Variants in SACS observed in about 807,000 individuals in gnomAD.
SACS encodes sacsin molecular chaperone, also known as sacsin.
A neutral mutation model predicts 348.0 loss-of-function variants in SACS; 197 were observed. That is an observed-to-expected ratio of 0.57 (90% CI 0.50 to 0.64). The LOEUF (loss-of-function observed/expected upper bound fraction) is 0.64. Among genes scored for constraint, SACS ranks in the 30% least tolerant of loss-of-function variants. The probability of loss-of-function intolerance (pLI) is 0.00; values close to 1 mark genes in which losing one functional copy is unlikely to be tolerated. For missense variants in SACS, 4,999 were observed against 5,360.8 expected (o/e 0.93, Z 2.11); for synonymous variants, 1,985 against 1,910.6 (o/e 1.04, Z -1.02).
Position 23,355,254 on chromosome 13 carries a change from C to T in SACS, c.1358G>A (p.Gly453Asp), listed in dbSNP as rs1193022221. 6 of 1,614,044 alleles carry T rather than the reference C, an allele frequency of 3.7e-6. No individual in the cohort carries two copies. In the Admixed American group the frequency reaches 5.0e-5, roughly 13 times the overall value. ...KAFCFLPLPP[G>D]EESSTGLPVH... Reference sequence around the variant, plus strand: ...TGGGAGGCCTGTGCTGCTTTCCTCACCAGGTGGTAAAGGAAGGAAACAAAA... The same window carrying T: ...TGGGAGGCCTGTGCTGCTTTCCTCATCAGGTGGTAAAGGAAGGAAACAAAA... The change falls in exon 8 of 10, where the codon GGT becomes GAT. Residue 453 changes from glycine to aspartate, a missense_variant. By Grantham distance (94) the Gly-to-Asp change is moderately conservative. Coordinates refer to ENST00000382292, the MANE Select transcript of SACS (RefSeq NM_014363.6).
chr13:23,396,517 A>T (rs553930696), intron 2 of SACS, among the ~76,000 whole-genome samples: 1 of 152,152 alleles, frequency 6.6e-6, no homozygotes, highest in Non-Finnish European at 1.5e-5. Flanking sequence ...ATTTACGGTC[A>T]ATTAAGGTAA....
rs770866403 is a variant in SACS at position 23,340,547 on chromosome 13, AT to A, written c.3328del (p.Ile1110LeufsTer16). The A allele has an allele frequency of 1.5e-5, 24 of 1,611,472 alleles. No individual in the cohort carries two copies. Among genetic ancestry groups the A allele is most frequent in the Admixed American group, 8.4e-5 (5 of 59,570 alleles). On this transcript the variant is annotated frameshift_variant, in exon 10 of 10. Transcript: ENST00000382292. LOFTEE classifies it high-confidence loss of function. The stretch of plus-strand genomic sequence containing the variant: ...ACAAGCACCGACCTGTAAGGCTTCA[AT>A]TTTTTTTGCCACTTGCACAACATCC... Reference protein sequence around the residue: ...EKDVVQVAKKIEALQVGACPD... With the variant: ...EKDVVQVAKKXEALQVGACPD...
At chr13:23,387,336 A>C (rs1156746699) in intron 2 of SACS, among the ~76,000 whole-genome samples, 3 of 151,944 alleles carry the variant, frequency 2.0e-5, no homozygotes, top group East Asian at 3.9e-4. Context: ...GCGGCGGGCA[A>C]CTGTAGTCCC....
chr13:23,426,565 G>A (rs552399909), intron 1 of SACS, among the ~76,000 whole-genome samples: 4 of 151,648 alleles, frequency 2.6e-5, no homozygotes, highest in South Asian at 2.1e-4. Flanking sequence ...GCTTGAACTC[G>A]GGAGGTGGAG....
chr13:23,340,177 A>G lies in SACS; in HGVS notation c.3699T>C (p.Asp1233=), dbSNP rs538158573. 1.2e-6 allele frequency: 2 copies of G among 1,613,060 alleles called. No individual in the cohort carries two copies. The highest frequency in any genetic ancestry group is 2.2e-5 in the East Asian group (1 of 44,878). The change falls in exon 10 of 10, where the codon GAT becomes GAC. Residue 1233 remains aspartate (D), a synonymous_variant. Coordinates refer to ENST00000382292, the MANE Select transcript of SACS (RefSeq NM_014363.6). ...AVLKHFKIVV[D]WYSSKTFSDE... ...CACTAAAGGTTTTTGAAGAATACCA[A>G]TCAACAACAATTTTAAAGTGTTTTA...
chr13:23,352,675 A>G (rs1215531444), intron 9 of SACS, among the ~76,000 whole-genome samples: 1 of 152,212 alleles, frequency 6.6e-6, no homozygotes, highest in Non-Finnish European at 1.5e-5. Context: ...GTTAGAGCAA[A>G]GATTGGCAGG....
chr13:23,416,356 A>T (rs1873692103), intron 1 of SACS, among the ~76,000 whole-genome samples: 1 of 152,200 alleles, frequency 6.6e-6, no homozygotes, highest in Admixed American at 6.5e-5. Flanking sequence ...AGCAGAATTA[A>T]TGAAAGAGAA....
chr13:23,424,970 T>C (rs1325645432), intron 1 of SACS, among the ~76,000 whole-genome samples: 1 of 152,262 alleles, frequency 6.6e-6, no homozygotes, highest in Non-Finnish European at 1.5e-5. Flanking sequence ...AGCTTTGGGA[T>C]GTGCTTTATT....
chr13:23,390,041 T>A (rs186765978), intron 2 of SACS, among the ~76,000 whole-genome samples: 6 of 152,292 alleles, frequency 3.9e-5, no homozygotes, highest in Admixed American at 6.5e-5. Context: ...TTTTTTCTAT[T>A]CACTCTACAA....
chr13:23,429,000 T>G (rs909969477), intron 1 of SACS: 1 of 152,168 alleles, frequency 6.6e-6, no homozygotes, highest in Non-Finnish European at 1.5e-5. Flanking sequence ...GGCACCGAAA[T>G]AGAATCTCCC....
rs202199411 is a variant in SACS at position 23,334,368 on chromosome 13, G to A, written c.9508C>T (p.Arg3170Ter). The A allele has an allele frequency of 7.4e-6, 12 of 1,612,636 alleles. No individual in the cohort carries two copies. The highest frequency in any genetic ancestry group is 1.0e-5 in the Non-Finnish European group (12 of 1,179,338). The change falls in exon 10 of 10, where the codon CGA becomes TGA. Residue 3170 changes from arginine (R) to a stop codon, truncating the protein, a stop_gained. Coordinates refer to ENST00000382292, the MANE Select transcript of SACS (RefSeq NM_014363.6). LOFTEE classifies it high-confidence loss of function. ...TGATATGTTGTTAGAAACTTGGGTC[G>A]TTTTGCATCAAAAGTTTGCAAAACA... Reference protein sequence around the residue: ...DSVLQTFDAKRPKFLTTYHEL... With the variant: ...DSVLQTFDAK
At position 23,330,974 on chromosome 13, in the gene SACS, T is replaced by C. The variant is rs748415049; in HGVS notation, c.12902A>G (p.Asn4301Ser). The change falls in exon 10 of 10, where the codon AAT (asparagine) becomes AGT (serine). Residue 4301 changes from asparagine to serine, a missense_variant. Asn to Ser is a conservative substitution (Grantham distance 46). Around this residue, in one of 6 missense-constraint regions of SACS, gnomAD observed 831 missense variants for 941.8 expected, o/e 0.88. Transcript: ENST00000382292. ...TTCTTTTAAGATTTCTGGTAAAGAA[T>C]TAACCTTAAGCTTTTTGGGGGACTG... ...KHQSPKKLKV[N>S]SLPEILKEVT... is the part of the protein sequence containing the mutation. 66 of 1,614,042 alleles carry C rather than the reference T, an allele frequency of 4.1e-5. No individual in the cohort carries two copies. The highest frequency in any genetic ancestry group is 4.8e-5 in the Non-Finnish European group (57 of 1,180,014).
chr13:23,411,313 C>A lies in SACS; in HGVS notation c.-74G>T. ...TCTTTCTTCTGTTTAAGTCTTCCCT[C>A]TGTGCTTCCTTTAAATGTGTACTCC... On this transcript the variant is annotated 5_prime_UTR_variant, in exon 2 of 10. Coordinates refer to ENST00000382292, the MANE Select transcript of SACS (RefSeq NM_014363.6). 7.2e-7 allele frequency: 1 copy of A among 1,389,432 alleles called. No homozygotes were observed. The highest frequency in any genetic ancestry group is 1.0e-6 in the Non-Finnish European group (1 of 976,136). The allele number at this position is 1,389,432 out of a possible 1,614,324, so 86.1% of individuals were successfully genotyped here.
rs1374407512 is a variant in SACS at position 23,331,834 on chromosome 13, T to C, written c.12042A>G (p.Gly4014=). 1.2e-6 allele frequency: 2 copies of C among 1,614,044 alleles called. No homozygotes were observed. The highest frequency in any genetic ancestry group is 1.7e-6 in the Non-Finnish European group (2 of 1,179,952). The stretch of plus-strand genomic sequence containing the variant: ...TTTCATGCTTCATAATTCTAATCAG[T>C]CCTGTAATGAACTGTTCAGAAGACA... The part of the protein sequence containing the change: ...LLLSSEQFIT[G]LIRIMKHEND... Residue 4014 remains glycine (G), a synonymous_variant, in exon 10 of 10, where the codon GGA becomes GGG. Coordinates refer to ENST00000382292, the MANE Select transcript of SACS (RefSeq NM_014363.6).
rs192610957 is a variant in SACS, at chr13:23,334,904, C to A, written c.8972G>T (p.Arg2991Leu). 3 of 1,613,652 alleles carry A rather than the reference C, an allele frequency of 1.9e-6. No individual in the cohort carries two copies. The African/African-American group carries it at 4.0e-5, about 22-fold the overall frequency. The change falls in exon 10 of 10, where the codon CGT becomes CTT. Residue 2991 changes from arginine (R) to leucine (L), a missense_variant. Arg to Leu is a moderately radical substitution (Grantham distance 102). Coordinates refer to ENST00000382292, the MANE Select transcript of SACS (RefSeq NM_014363.6). The stretch of plus-strand genomic sequence containing the variant: ...TGGAGCCCGCACAACAGGTAAAAGA[C>A]GTTTCATGTCTTCGTGAATGCAATT... ...LYNCIHEDMK[R>L]LLPVVRAPNI...
rs1340511510 is a variant in SACS, at chr13:23,329,715, AAG to A, written c.*419_*420del. On this transcript the variant is annotated 3_prime_UTR_variant, in exon 10 of 10. Transcript: ENST00000382292. ...CCACTTAAAAAAATGACAGACTACA[AAG>A]ACTTAATTCCCCTTATGTTTAAACC... is the stretch of plus-strand genomic sequence containing the variant. The A allele has an allele frequency of 5.9e-6, 3 of 510,832 alleles. No homozygotes were observed. The highest frequency in any genetic ancestry group is 1.0e-5 in the Non-Finnish European group (3 of 293,346). 31.6% of individuals were successfully genotyped at this position (510,832 alleles called of 1,614,324 possible). A position where few individuals can be genotyped will look rare whatever the true frequency, so the allele number is the denominator to read the frequency against.
At position 23,388,467 on chromosome 13, in the gene SACS, T is replaced by C. The variant is rs1872393651; in HGVS notation, c.21-13198A>G. Among the ~76,000 whole-genome samples the C allele has an allele frequency of 2.2e-5, 3 of 134,266 alleles. No homozygotes were observed. The South Asian group carries it at 7.1e-4, about 32-fold the overall frequency. The allele number at this position is 134,266 out of a possible 152,430, so 88.1% of individuals were successfully genotyped here. On this transcript the variant is annotated intron_variant, in intron 2 of 9. Transcript: ENST00000382292. ...CATATAATATAAAATATATATAAAA[T>C]ATAAAAATATGGTGTGTGTGTATAT... is the stretch of plus-strand genomic sequence containing the variant.
At chr13:23,410,733 TATAAG>T (rs1183766729) in intron 2 of SACS, among the ~76,000 whole-genome samples, 1 of 152,174 alleles carries the variant, frequency 6.6e-6, no homozygotes. Context: ...CATATATTCT[TATAAG>T]ATAGCAACTA....
At chr13:23,409,930 T>C (rs1011900128) in intron 2 of SACS, among the ~76,000 whole-genome samples, 1 of 152,224 alleles carries the variant, frequency 6.6e-6, no homozygotes, top group Non-Finnish European at 1.5e-5. Flanking sequence ...TAAACATTTA[T>C]AGTTAGTGTC....
Sources: allele counts gnomAD v4.1 joint callset (sites outside exome capture counted in the v4.1 genomes callset), GRCh38; gene constraint gnomAD v4.1.1; regional missense constraint gnomAD v4.1.1; transcripts MANE v1.5; gene names NCBI Gene and HGNC (gene_info 2026-07-23, HGNC 2026-07-21).